Variants in TASP1 observed in about 807,000 individuals in gnomAD.
The protein encoded by TASP1 is taspase 1.
Under a neutral mutation model 56.6 loss-of-function variants are expected in TASP1, and 16 were observed. That is an observed-to-expected ratio of 0.28 (90% CI 0.19 to 0.43). TASP1 has a LOEUF of 0.43. Ranked by LOEUF, TASP1 falls within the 20% of genes least tolerant of loss-of-function variation. The pLI is 1.00. For synonymous variants in TASP1, 179 were observed against 184.2 expected (o/e 0.97, Z 0.23); for missense variants, 393 against 511.6 (o/e 0.77, Z 2.24).
At chr20:13,301,292 G>T in the TASP1 span, among the ~76,000 whole-genome samples, 1 of 152,074 alleles carries the variant, frequency 6.6e-6, no homozygotes, top group Non-Finnish European at 1.5e-5. Flanking sequence ...GAGTTCAAGC[G>T]ATTCTCGTGC....
chr20:13,221,867 G>A, the TASP1 span: 13 of 1,418,614 alleles, frequency 9.2e-6, 1 homozygote, highest in African/African-American at 1.6e-4. Flanking sequence ...GGGAGCCGCC[G>A]ACGGGCCCGA....
the TASP1 span, among the ~76,000 whole-genome samples, chr20:13,273,499 A>G: frequency 6.6e-6 from 1 of 152,054 alleles, no homozygotes; most frequent in Non-Finnish European, 1.5e-5. Context: ...GCCTCTCAAA[A>G]TGCGGGGATT....
chr20:13,132,226 G>T, the TASP1 span, among the ~76,000 whole-genome samples: 1 of 142,566 alleles, frequency 7.0e-6, no homozygotes, highest in Non-Finnish European at 1.5e-5. Flanking sequence ...ACCCAGGCTG[G>T]AGTGCAGTGG....
the TASP1 span, among the ~76,000 whole-genome samples, chr20:13,250,832 A>G: frequency 6.6e-6 from 1 of 152,172 alleles, no homozygotes; most frequent in Non-Finnish European, 1.5e-5. Context: ...AATCCCAGCT[A>G]ATTAGGTGAT....
chr20:13,483,422 A>G lies in TASP1; in HGVS notation c.875-85T>C, dbSNP rs1266737518. The stretch of plus-strand genomic sequence containing the variant: ...CAATAGCATTAGAACACCCTTATGC[A>G]TCATTTAAGAGAGTAGTTAGCTGGG... On this transcript the variant is annotated intron_variant, in intron 10 of 13. Coordinates refer to ENST00000337743, the MANE Select transcript of TASP1 (RefSeq NM_017714.3). 4 of 795,060 alleles carry G rather than the reference A, an allele frequency of 5.0e-6. No individual in the cohort carries two copies. In the Middle Eastern group the frequency reaches 7.8e-4, roughly 155 times the overall value. The allele number at this position is 795,060 out of a possible 1,614,324, so 49.3% of individuals were successfully genotyped here.
intron 4 of TASP1, among the ~76,000 whole-genome samples, chr20:13,605,282 G>A (rs1019730198): frequency 6.6e-5 from 10 of 151,980 alleles, no homozygotes; most frequent in African/African-American, 1.7e-4. Flanking sequence ...TATATTTGTC[G>A]AAACCCATCA....
chr20:13,449,087 G>A (rs533106377), intron 11 of TASP1, among the ~76,000 whole-genome samples: 55 of 152,068 alleles, frequency 3.6e-4, no homozygotes, highest in Admixed American at 3.2e-3. Flanking sequence ...TTAAATTCTA[G>A]ATTCTATGTG....
chr20:13,167,146 T>C, the TASP1 span: 37 of 152,298 alleles, frequency 2.4e-4, no homozygotes, highest in Admixed American at 3.9e-4. Context: ...TATTAGAGTA[T>C]ATGTCATATA....
intron 4 of TASP1, among the ~76,000 whole-genome samples, chr20:13,618,156 T>C (rs2048586885): frequency 6.6e-6 from 1 of 151,962 alleles, no homozygotes; most frequent in Non-Finnish European, 1.5e-5. Flanking sequence ...ACACCTGTCA[T>C]CCCAGCACTT....
At chr20:13,108,558 T>C in the TASP1 span, among the ~76,000 whole-genome samples, 2 of 152,162 alleles carry the variant, frequency 1.3e-5, no homozygotes, top group African/African-American at 4.8e-5. Context: ...CAGTACTGAC[T>C]ATGCAGCTTT....
the TASP1 span, among the ~76,000 whole-genome samples, chr20:13,304,745 G>A: frequency 3.3e-5 from 5 of 152,218 alleles, no homozygotes; most frequent in East Asian, 1.9e-4. Flanking sequence ...CTCACCCCTC[G>A]AGTGGGGCCA....
intron 10 of TASP1, among the ~76,000 whole-genome samples, chr20:13,483,805 A>T (rs2043225753): frequency 6.6e-6 from 1 of 152,222 alleles, no homozygotes; most frequent in East Asian, 1.9e-4. Context: ...AAAATTGACA[A>T]ATGGGATCTA....
At chr20:13,327,933 A>G in the TASP1 span, among the ~76,000 whole-genome samples, 1 of 152,220 alleles carries the variant, frequency 6.6e-6, no homozygotes, top group African/African-American at 2.4e-5. Context: ...AAGCAATCTC[A>G]ACAAAAGCAA....
chr20:13,568,416 T>C (rs2046607486), intron 7 of TASP1, among the ~76,000 whole-genome samples: 1 of 152,170 alleles, frequency 6.6e-6, no homozygotes, highest in Admixed American at 6.6e-5. Flanking sequence ...AAAATAAAAT[T>C]TTTATTTAAA....
intron 11 of TASP1, among the ~76,000 whole-genome samples, chr20:13,463,671 C>T (rs1038410109): frequency 1.3e-5 from 2 of 151,922 alleles, no homozygotes; most frequent in Non-Finnish European, 2.9e-5. Context: ...AATCAAAGAA[C>T]TAATCAAAAA....
the TASP1 span, chr20:13,288,704 A>C: frequency 6.3e-7 from 1 of 1,598,224 alleles, no homozygotes; most frequent in South Asian, 1.1e-5. Flanking sequence ...CTGAGTGTGT[A>C]GCTCCAAGTT....
chr20:13,501,160 T>G (rs2043930944), intron 10 of TASP1, among the ~76,000 whole-genome samples: 1 of 151,940 alleles, frequency 6.6e-6, no homozygotes, highest in Non-Finnish European at 1.5e-5. Context: ...TAAAGATATT[T>G]CTGATAAACA....
intron 11 of TASP1, among the ~76,000 whole-genome samples, chr20:13,481,016 C>T (rs1182822982): frequency 1.3e-5 from 2 of 152,078 alleles, no homozygotes; most frequent in Non-Finnish European, 2.9e-5. Context: ...TGGCCATAGT[C>T]ACCCTGTTGT....
the TASP1 span, among the ~76,000 whole-genome samples, chr20:13,319,639 T>C: frequency 6.6e-6 from 1 of 152,214 alleles, no homozygotes. Flanking sequence ...AAAGGATTGG[T>C]TTCCAGAGTT....
Sources: gnomAD v4.1 joint callset for allele counts (sites outside exome capture counted in the v4.1 genomes callset) on GRCh38, gnomAD v4.1.1 for gene constraint, MANE v1.5 for transcripts, NCBI Gene and HGNC (gene_info 2026-07-23, HGNC 2026-07-21) for gene names.